The following TLR6 variants were observed in gnomAD, a reference collection of about 807,000 sequenced individuals.
TLR6 encodes toll like receptor 6.
In TLR6, 9 loss-of-function variants were observed where a neutral mutation model predicts 16.1. The ratio of observed to expected loss-of-function variants is 0.56; its 90% confidence interval spans 0.34 to 0.98. The LOEUF (loss-of-function observed/expected upper bound fraction) is 0.98, where lower values mean the gene tolerates loss of function less well. Ranked by LOEUF, TLR6 falls within the 50% of genes least tolerant of loss-of-function variation. TLR6 has a pLI of 0.02. For synonymous variants in TLR6, 340 were observed against 338.6 expected (o/e 1.00, Z -0.04); for missense variants, 786 against 921.0 (o/e 0.85, Z 1.90).
chr4:38,838,035 C>T (rs1350011054), intron 1 of TLR6, among the ~76,000 whole-genome samples: 1 of 151,982 alleles, frequency 6.6e-6, no homozygotes, highest in Non-Finnish European at 1.5e-5. Flanking sequence ...AAATCAAAAC[C>T]ACAACGAGAT....
At chr4:38,838,576 A>T (rs988774630) in intron 1 of TLR6, among the ~76,000 whole-genome samples, 3 of 152,346 alleles carry the variant, frequency 2.0e-5, no homozygotes, top group African/African-American at 7.2e-5. Flanking sequence ...AACAATAGTT[A>T]CCAGAGACTA....
exon 2 of TLR6, chr4:38,825,793 T>A (rs5743831): frequency 6.6e-6 from 1 of 152,162 alleles, no homozygotes; most frequent in Admixed American, 6.5e-5. Context: ...GTCAAAGCCA[T>A]GTGAAGAAAT....
At chr4:38,841,165 C>T (rs1431685858) in intron 1 of TLR6, among the ~76,000 whole-genome samples, 2 of 145,824 alleles carry the variant, frequency 1.4e-5, no homozygotes, top group Admixed American at 1.4e-4. Context: ...CACATCATTT[C>T]CAATACTGGA....
upstream of TLR6, among the ~76,000 whole-genome samples, chr4:38,859,853 ACCCCGCC>A (rs1189284631): frequency 2.0e-5 from 3 of 151,968 alleles, no homozygotes; most frequent in Non-Finnish European, 4.4e-5. Context: ...GGATTGAGCC[ACCCCGCC>A]CGGCCTCTTC....
At chr4:38,834,181 C>T (rs11489108) in intron 1 of TLR6, among the ~76,000 whole-genome samples, 1 of 150,846 alleles carries the variant, frequency 6.6e-6, no homozygotes, top group Non-Finnish European at 1.5e-5. Flanking sequence ...GAGGTTGCAG[C>T]GAGCTGAGAT....
chr4:38,822,897 T>C (rs1032642561), downstream of TLR6, among the ~76,000 whole-genome samples: 1 of 152,200 alleles, frequency 6.6e-6, no homozygotes, highest in Non-Finnish European at 1.5e-5. Context: ...GACTGTGCAA[T>C]TCACAAAAGA....
chr4:38,840,451 G>A (rs1288559814), intron 1 of TLR6, among the ~76,000 whole-genome samples: 1 of 151,924 alleles, frequency 6.6e-6, no homozygotes. Flanking sequence ...GGCCAATATG[G>A]TGAAACCCCG....
upstream of TLR6, among the ~76,000 whole-genome samples, chr4:38,857,771 T>A (rs1713049016): frequency 6.6e-6 from 1 of 152,190 alleles, no homozygotes; most frequent in Non-Finnish European, 1.5e-5. Context: ...TTCTTGTGAT[T>A]CATCCTTACT....
chr4:38,867,381 G>C, the TLR6 span, among the ~76,000 whole-genome samples: 1 of 152,294 alleles, frequency 6.6e-6, no homozygotes, highest in East Asian at 1.9e-4. Context: ...TGTTTGTTTG[G>C]GGTTTGTTTG....
the TLR6 span, among the ~76,000 whole-genome samples, chr4:38,865,514 C>T: frequency 3.9e-5 from 6 of 152,132 alleles, no homozygotes; most frequent in East Asian, 1.9e-4. Flanking sequence ...TGGGCTGTTA[C>T]GGCACAGCAG....
At chr4:38,845,633 AT>A (rs1306501542) in intron 1 of TLR6, among the ~76,000 whole-genome samples, 3 of 152,344 alleles carry the variant, frequency 2.0e-5, no homozygotes, top group Admixed American at 1.3e-4. Flanking sequence ...AAGTACCTGG[AT>A]TCCCTCCTAG....
At chr4:38,861,370 C>G (rs1713190326), upstream of TLR6, among the ~76,000 whole-genome samples, 1 of 152,116 alleles carries the variant, frequency 6.6e-6, no homozygotes, top group South Asian at 2.1e-4. Context: ...TCCTAGATAT[C>G]ATTATTAGCA....
chr4:38,844,552 G>GA (rs5857644), intron 1 of TLR6, among the ~76,000 whole-genome samples: 37,274 of 151,878 alleles, frequency 0.25, 5,047 homozygotes, highest in Non-Finnish European at 0.28. Context: ...ATTTGAATGA[G>GA]AAATTAATAA....
intron 1 of TLR6, among the ~76,000 whole-genome samples, chr4:38,853,848 ATAAT>A (rs1156413381): frequency 1.3e-5 from 2 of 152,356 alleles, no homozygotes; most frequent in African/African-American, 4.8e-5. Context: ...GTATCTCTGT[ATAAT>A]TAAATAGTAC....
chr4:38,867,998 G>A, the TLR6 span: 2 of 401,794 alleles, frequency 5.0e-6, no homozygotes, highest in African/African-American at 2.1e-5. Context: ...GGAGGACCCG[G>A]CTCTGGGGTG....
chr4:38,826,086 T>G (rs944540515), exon 2 of TLR6: 2 of 152,330 alleles, frequency 1.3e-5, no homozygotes, highest in Non-Finnish European at 2.9e-5. Flanking sequence ...GCACTGAACC[T>G]GTGTGCTCCT....
At chr4:38,843,179 G>T (rs1315465951) in intron 1 of TLR6, among the ~76,000 whole-genome samples, 3 of 152,188 alleles carry the variant, frequency 2.0e-5, no homozygotes, top group Non-Finnish European at 4.4e-5. Flanking sequence ...CTTGACTGAG[G>T]CAGGGCGGCA....
At chr4:38,828,706 G>A (rs770439634) in exon 2 of TLR6, 3 of 1,614,152 alleles carry the variant, frequency 1.9e-6, no homozygotes, top group Non-Finnish European at 1.7e-6. Context: ...CTATGTGGTT[G>A]AGGGTAAAAT....
At chr4:38,824,440 G>A (rs543892924) in exon 2 of TLR6, 1 of 152,180 alleles carries the variant, frequency 6.6e-6, no homozygotes, top group African/African-American at 2.4e-5. Context: ...CTCTGCCGAG[G>A]GGATGTAGGT....
Sources: gnomAD v4.1 joint callset for allele counts (sites outside exome capture counted in the v4.1 genomes callset) on GRCh38, gnomAD v4.1.1 for gene constraint, MANE v1.5 for transcripts, NCBI Gene and HGNC (gene_info 2026-07-23, HGNC 2026-07-21) for gene names.